The following HS3ST5 variants were observed in gnomAD, a reference collection of about 807,000 sequenced individuals.
HS3ST5 encodes heparan sulfate glucosamine 3-O-sulfotransferase 5.
A neutral mutation model predicts 25.4 loss-of-function variants in HS3ST5; 10 were observed. That is an observed-to-expected ratio of 0.39 (90% CI 0.24 to 0.67). The LOEUF is 0.67. Ranked by LOEUF, HS3ST5 falls within the 30% of genes least tolerant of loss-of-function variation. The pLI is 0.44. For missense variants in HS3ST5, 324 were observed against 420.7 expected, an observed-to-expected ratio of 0.77 and a Z score of 2.01; for synonymous variants, 170 against 162.4, an observed-to-expected ratio of 1.05 and a Z score of -0.36.
chr6:114,165,171 A>G (rs1030442135), intron 3 of HS3ST5, among the ~76,000 whole-genome samples: 5 of 152,172 alleles, frequency 3.3e-5, no homozygotes, highest in Admixed American at 6.6e-5. Flanking sequence ...AGGGCTCCAT[A>G]TGCAACAGTT....
chr6:114,215,846 T>C (rs989082307), intron 2 of HS3ST5, among the ~76,000 whole-genome samples: 1 of 152,186 alleles, frequency 6.6e-6, no homozygotes, highest in Non-Finnish European at 1.5e-5. Flanking sequence ...TCACCTCCTG[T>C]TGAATTTGTT....
At chr6:114,331,797 C>T (rs1201831018) in intron 1 of HS3ST5, among the ~76,000 whole-genome samples, 2 of 152,044 alleles carry the variant, frequency 1.3e-5, no homozygotes, top group East Asian at 1.9e-4. Flanking sequence ...GATTACCATA[C>T]GTTGTTCGCT....
intron 3 of HS3ST5, chr6:114,084,258 A>G (rs1774642254): frequency 3.3e-6 from 3 of 912,374 alleles, no homozygotes; most frequent in South Asian, 1.3e-5. Context: ...GAGCACTCCA[A>G]TATTCAGTAG....
At chr6:114,330,644 C>T (rs1343816433) in intron 1 of HS3ST5, among the ~76,000 whole-genome samples, 1 of 152,178 alleles carries the variant, frequency 6.6e-6, no homozygotes, top group East Asian at 1.9e-4. Context: ...TCCCTATTTT[C>T]CTTTTCTGCA....
At position 114,304,660 on chromosome 6, in the gene HS3ST5, A is replaced by G. The variant is rs185107857; in HGVS notation, c.-339+37535T>C. Among the ~76,000 whole-genome samples the G allele has an allele frequency of 6.3e-3, 954 of 152,284 alleles. 3 individuals carry two copies. Among genetic ancestry groups the G allele is most frequent in the South Asian group, 0.011 (55 of 4,832 alleles). On this transcript the variant is annotated intron_variant, in intron 1 of 4. Coordinates refer to ENST00000312719, the MANE Select transcript of HS3ST5 (RefSeq NM_153612.4). Reference sequence around the variant, plus strand: ...ATTAGAAATTAAAACAGATTTTTAAAAAATCATTCATTTAAAAATAGCAAA... The same window carrying G: ...ATTAGAAATTAAAACAGATTTTTAAGAAATCATTCATTTAAAAATAGCAAA...
intron 3 of HS3ST5, among the ~76,000 whole-genome samples, chr6:114,073,615 C>T (rs571364910): frequency 9.2e-5 from 14 of 152,072 alleles, no homozygotes; most frequent in Non-Finnish European, 1.8e-4. Flanking sequence ...GTTAGAATGG[C>T]GATCATTAAA....
intron 2 of HS3ST5, among the ~76,000 whole-genome samples, chr6:114,199,486 A>G (rs1315904545): frequency 2.0e-5 from 3 of 152,206 alleles, no homozygotes; most frequent in African/African-American, 7.2e-5. Flanking sequence ...GTATTTGATA[A>G]TGCACACAAG....
intron 2 of HS3ST5, among the ~76,000 whole-genome samples, chr6:114,215,802 C>G (rs1046087320): frequency 6.6e-5 from 10 of 152,210 alleles, no homozygotes; most frequent in African/African-American, 2.4e-4. Context: ...CCTATACCTC[C>G]TCATTACTGT....
intron 1 of HS3ST5, among the ~76,000 whole-genome samples, chr6:114,243,782 T>C (rs1421163586): frequency 1.3e-5 from 2 of 152,202 alleles, no homozygotes; most frequent in African/African-American, 4.8e-5. Context: ...CCATGTGACT[T>C]GTGTTGTTCA....
At chr6:114,201,953 G>A (rs1203666360) in intron 2 of HS3ST5, among the ~76,000 whole-genome samples, 1 of 151,896 alleles carries the variant, frequency 6.6e-6, no homozygotes, top group South Asian at 2.1e-4. Flanking sequence ...TAGCAGCATG[G>A]GGGCAGCTGC....
intron 3 of HS3ST5, among the ~76,000 whole-genome samples, chr6:114,138,847 G>C (rs1396332553): frequency 1.3e-5 from 2 of 152,136 alleles, no homozygotes; most frequent in African/African-American, 2.4e-5. Context: ...TTGGAGGCTT[G>C]GTAGATTCAG....
chr6:114,076,140 G>A (rs1774118572), intron 3 of HS3ST5, among the ~76,000 whole-genome samples: 1 of 152,136 alleles, frequency 6.6e-6, no homozygotes, highest in African/African-American at 2.4e-5. Context: ...CTCCTTCTGT[G>A]GGGCAGGAAA....
At chr6:114,260,463 G>A (rs1015746755) in intron 1 of HS3ST5, among the ~76,000 whole-genome samples, 4 of 152,154 alleles carry the variant, frequency 2.6e-5, no homozygotes, top group African/African-American at 9.7e-5. Context: ...TTAACAGTAA[G>A]ATACTAGTTT....
chr6:114,121,827 ATTTG>A (rs1360417011), intron 3 of HS3ST5, among the ~76,000 whole-genome samples: 2 of 152,244 alleles, frequency 1.3e-5, no homozygotes, highest in South Asian at 4.1e-4. Context: ...TTATCTGTAT[ATTTG>A]TTTATTTTTA....
chr6:114,213,941 A>G, intron 2 of HS3ST5, among the ~76,000 whole-genome samples: 1 of 152,180 alleles, frequency 6.6e-6, no homozygotes, highest in Admixed American at 6.5e-5. Flanking sequence ...CTCAAGGCCT[A>G]CAATGCTCTT....
chr6:114,216,697 A>T (rs1163541075), intron 2 of HS3ST5, among the ~76,000 whole-genome samples: 2 of 144,328 alleles, frequency 1.4e-5, no homozygotes, highest in Non-Finnish European at 3.0e-5. Context: ...CAGGAAAAAA[A>T]CCCAGAGATA....
intron 3 of HS3ST5, among the ~76,000 whole-genome samples, chr6:114,092,476 G>A (rs991954023): frequency 8.2e-6 from 1 of 121,648 alleles, no homozygotes; most frequent in African/African-American, 2.6e-5. Context: ...GTGGTAAGTG[G>A]CACAATGTAT....
In HS3ST5 at chr6:114,192,867, G is replaced by A. The variant is rs145362563; in HGVS notation, c.-144-24405C>T. Among the ~76,000 whole-genome samples, 11 of 152,204 alleles carry A rather than the reference G, an allele frequency of 7.2e-5. No individual in the cohort carries two copies. In the East Asian group the frequency reaches 1.9e-3, roughly 27 times the overall value. On this transcript the variant is annotated intron_variant, in intron 2 of 4. Transcript: ENST00000312719. ...GTTTCTCTGAAAGATGTCATATTACGAGCTTCTATGCAACAGAAAGTGATT... is the reference window on the plus strand; with the variant it reads ...GTTTCTCTGAAAGATGTCATATTACAAGCTTCTATGCAACAGAAAGTGATT...
At chr6:114,107,352 A>C (rs1776045448) in intron 3 of HS3ST5, among the ~76,000 whole-genome samples, 1 of 152,216 alleles carries the variant, frequency 6.6e-6, no homozygotes, top group Non-Finnish European at 1.5e-5. Context: ...ATTTCTGATG[A>C]AAACTCTCAG....
Sources: gnomAD v4.1 joint callset for allele counts (sites outside exome capture counted in the v4.1 genomes callset) on GRCh38, gnomAD v4.1.1 for gene constraint, MANE v1.5 for transcripts, NCBI Gene and HGNC (gene_info 2026-07-23, HGNC 2026-07-21) for gene names.